CWF19L2: variants seen among roughly 807,000 people sequenced by gnomAD.
CWF19L2 encodes the protein CWF19-like protein 2.
Under a neutral mutation model 111.7 loss-of-function variants are expected in CWF19L2, and 98 were observed. The ratio of observed to expected loss-of-function variants is 0.88; its 90% confidence interval spans 0.75 to 1.04. The LOEUF (loss-of-function observed/expected upper bound fraction) is 1.04. CWF19L2 is among the 50% of genes least tolerant of loss of function. The pLI, the probability that CWF19L2 is intolerant of heterozygous loss-of-function variation, is 0.00. For synonymous variants in CWF19L2, 351 were observed against 342.9 expected (o/e 1.02, Z -0.26); for missense variants, 1,101 against 1,051.4 (o/e 1.05, Z -0.65).
At chr11:107,416,405 A>C (rs1861227191) in intron 9 of CWF19L2, 107 bp from the exon 10 acceptor site, 4 of 422,708 alleles carry the variant, frequency 9.5e-6, no homozygotes, top group Admixed American at 4.4e-5. Context: ...ACCAACACTC[A>C]TGTAGCCTTC....
intron 12 of CWF19L2, among the ~76,000 whole-genome samples, chr11:107,373,429 C>T (rs1475798999): frequency 2.2e-5 from 3 of 136,076 alleles, no homozygotes; most frequent in African/African-American, 5.9e-5. Flanking sequence ...GATCTGAGAA[C>T]GGGCAGACTG....
intron 7 of CWF19L2, among the ~76,000 whole-genome samples, chr11:107,432,066 C>G (rs1237237369): frequency 6.6e-6 from 1 of 151,856 alleles, no homozygotes; most frequent in African/African-American, 2.4e-5. Context: ...ACCAAGAGCA[C>G]TAATTCATGA....
At chr11:107,376,345 C>A (rs1212491322) in intron 12 of CWF19L2, among the ~76,000 whole-genome samples, 1 of 90,830 alleles carries the variant, frequency 1.1e-5, no homozygotes, top group Non-Finnish European at 2.1e-5. Context: ...CCTTGATGAA[C>A]ATTGATGCAA....
At chr11:107,336,881 A>G (rs1323782293) in intron 14 of CWF19L2, among the ~76,000 whole-genome samples, 168 bp from the exon 15 acceptor site, 1 of 152,206 alleles carries the variant, frequency 6.6e-6, no homozygotes, top group African/African-American at 2.4e-5. Flanking sequence ...TGTTATAGTT[A>G]CTTTACTTTC....
intron 9 of CWF19L2, among the ~76,000 whole-genome samples, chr11:107,417,168 A>G (rs1375448499): frequency 1.3e-5 from 2 of 152,228 alleles, no homozygotes; most frequent in African/African-American, 4.8e-5. Context: ...AAGATCCCTT[A>G]TATTTGGGTT....
chr11:107,380,152 T>C (rs1860663316), intron 12 of CWF19L2, among the ~76,000 whole-genome samples: 1 of 150,590 alleles, frequency 6.6e-6, no homozygotes, highest in Non-Finnish European at 1.5e-5. Context: ...AAAAAAATGG[T>C]TTGCAATGAA....
intron 10 of CWF19L2, among the ~76,000 whole-genome samples, chr11:107,410,283 A>T (rs1027134642): frequency 3.6e-5 from 5 of 138,374 alleles, no homozygotes; most frequent in East Asian, 2.5e-4. Flanking sequence ...TCTGATTTCT[A>T]AAAAAAAACC....
At chr11:107,351,293 G>A (rs893416692) in intron 13 of CWF19L2, among the ~76,000 whole-genome samples, 1 of 152,150 alleles carries the variant, frequency 6.6e-6, no homozygotes, top group African/African-American at 2.4e-5. Flanking sequence ...GTGAGGGAAA[G>A]TAAAGGACTC....
At chr11:107,331,137 A>G (rs1370472973) in intron 16 of CWF19L2, among the ~76,000 whole-genome samples, 3 of 152,220 alleles carry the variant, frequency 2.0e-5, no homozygotes, top group Non-Finnish European at 2.9e-5. Context: ...CTATATTTCC[A>G]CATTTTTAAA....
intron 8 of CWF19L2, among the ~76,000 whole-genome samples, chr11:107,419,710 G>A (rs2135400684): frequency 6.6e-6 from 1 of 152,276 alleles, no homozygotes; most frequent in East Asian, 1.9e-4. Context: ...AGCTGCAGAA[G>A]TAGAGTTTGG....
intron 12 of CWF19L2, among the ~76,000 whole-genome samples, chr11:107,385,092 T>C (rs1459016834): frequency 6.6e-6 from 1 of 152,220 alleles, no homozygotes; most frequent in Non-Finnish European, 1.5e-5. Context: ...ATACTTTCTT[T>C]TTTTTATAGG....
intron 6 of CWF19L2, among the ~76,000 whole-genome samples, chr11:107,436,948 C>T (rs1861549385): frequency 6.6e-6 from 1 of 152,146 alleles, no homozygotes; most frequent in Non-Finnish European, 1.5e-5. Flanking sequence ...CATATAAACT[C>T]TAAAATTGTA....
chr11:107,364,272 A>G (rs1860403293), intron 12 of CWF19L2, among the ~76,000 whole-genome samples: 1 of 145,636 alleles, frequency 6.9e-6, no homozygotes, highest in Admixed American at 6.8e-5. Context: ...AACGAGACAG[A>G]AAGTCAACAA....
intron 13 of CWF19L2, among the ~76,000 whole-genome samples, chr11:107,350,050 A>G (rs1257251563): frequency 1.3e-5 from 2 of 152,204 alleles, no homozygotes; most frequent in African/African-American, 2.4e-5. Context: ...AAACATAAAA[A>G]TCCCCTAAAA....
At chr11:107,431,456 C>T (rs1861464683) in intron 7 of CWF19L2, among the ~76,000 whole-genome samples, 1 of 151,800 alleles carries the variant, frequency 6.6e-6, no homozygotes, top group South Asian at 2.1e-4. Flanking sequence ...TGGGATGACT[C>T]TATATTATAA....
At chr11:107,338,721 C>T (rs146808953) in intron 14 of CWF19L2, among the ~76,000 whole-genome samples, 4 of 152,304 alleles carry the variant, frequency 2.6e-5, no homozygotes, top group African/African-American at 4.8e-5. Context: ...CTTCCAACTC[C>T]ATCCATGTCC....
chr11:107,372,421 C>T (rs80031274), intron 12 of CWF19L2, among the ~76,000 whole-genome samples: 2,116 of 134,100 alleles, frequency 0.016, 519 homozygotes, highest in African/African-American at 0.061. Flanking sequence ...GCAGAAAGCA[C>T]ATTAATTTGA....
At chr11:107,394,684 T>A (rs191331047) in intron 10 of CWF19L2, among the ~76,000 whole-genome samples, 1 of 152,250 alleles carries the variant, frequency 6.6e-6, no homozygotes, top group East Asian at 1.9e-4. Context: ...TATGGCCTAG[T>A]GGGGAAACTA....
In CWF19L2 at chr11:107,424,593, T is replaced by C. The variant is rs527712093; in HGVS notation, c.1433+4206A>G. Among the ~76,000 whole-genome samples the C allele has an allele frequency of 5.3e-4, 80 of 151,912 alleles. 2 individuals carry two copies. The Middle Eastern group carries it at 0.027, about 52-fold the overall frequency. On this transcript the variant is annotated intron_variant, in intron 8 of 17. Coordinates refer to ENST00000282251, the MANE Select transcript of CWF19L2 (RefSeq NM_152434.3). The stretch of plus-strand genomic sequence containing the variant: ...TAGATATTCAATCAAGGAAGGGCAA[T>C]GAAGGTAGGCTGAAGTGCATCTAAA...
Sources: allele counts gnomAD v4.1 joint callset (sites outside exome capture counted in the v4.1 genomes callset), GRCh38; gene constraint gnomAD v4.1.1; transcripts MANE v1.5; gene names NCBI Gene and HGNC (gene_info 2026-07-23, HGNC 2026-07-21).